Variants in MYLK observed in about 807,000 individuals in gnomAD.
The protein encoded by MYLK is myosin light chain kinase.
Under a neutral mutation model 203.4 loss-of-function variants are expected in MYLK, and 106 were observed. That is an observed-to-expected ratio of 0.52 (90% confidence interval 0.45 to 0.61). The LOEUF (loss-of-function observed/expected upper bound fraction) is 0.61. Ranked by LOEUF, MYLK falls within the 20% of genes least tolerant of loss-of-function variation. The pLI, the probability that MYLK is intolerant of heterozygous loss-of-function variation, is 0.00. For synonymous variants in MYLK, 867 were observed against 959.5 expected (o/e 0.90, Z 1.78); for missense variants, 2,072 against 2,442.3 (o/e 0.85, Z 3.20).
In MYLK at chr3:123,737,379, T is replaced by C. The variant is rs964781965; in HGVS notation, c.753A>G (p.Gln251=). The stretch of plus-strand genomic sequence containing the variant: ...CACTAGCCGTCCACTGGTCGATACC[T>C]TGGATGGAAAGTTCAGCTGACATCG... ...KASMSAELSI[Q]GLDSANRSFV... The change falls in exon 8 of 34, where the codon CAA becomes CAG. Residue 251 remains glutamine, a splice_region_variant and synonymous_variant. Transcript: ENST00000360304. The C allele has an allele frequency of 1.2e-6, 2 of 1,613,960 alleles. No homozygotes were observed. Among genetic ancestry groups the C allele is most frequent in the Admixed American group, 1.7e-5 (1 of 60,004 alleles).
rs1560145846 is a variant in MYLK at position 123,733,057 on chromosome 3, G to T, written c.1355C>A (p.Thr452Asn). Reference sequence around the variant, plus strand: ...GCTGCCTTCCTGTCTCCTCACGGGGGTGCCTTCCAGGAACCAGGCCACTTC... The same window carrying T: ...GCTGCCTTCCTGTCTCCTCACGGGGTTGCCTTCCAGGAACCAGGCCACTTC... ...KPEVAWFLEG[T>N]PVRRQEGSIE... is the part of the protein sequence containing the mutation. Residue 452 changes from threonine to asparagine, a missense_variant, in exon 11 of 34, where the codon ACC (threonine) becomes AAC (asparagine). By Grantham distance (65) the Thr-to-Asn change is moderately conservative. This residue lies in a region of MYLK where 683 missense variants were observed against 643.8 expected (regional missense o/e 1.06). Coordinates refer to ENST00000360304, the MANE Select transcript of MYLK (RefSeq NM_053025.4). 5 of 1,613,986 alleles carry T rather than the reference G, an allele frequency of 3.1e-6. No homozygotes were observed. The highest frequency in any genetic ancestry group is 4.2e-6 in the Non-Finnish European group (5 of 1,180,020).
intron 2 of MYLK, among the ~76,000 whole-genome samples, chr3:123,843,590 G>C (rs2066644850): frequency 6.6e-6 from 1 of 152,194 alleles, no homozygotes; most frequent in Non-Finnish European, 1.5e-5. Context: ...GAAAAAGAGA[G>C]ATGCCTCCAA....
intron 29 of MYLK, among the ~76,000 whole-genome samples, chr3:123,631,479 T>A (rs1420659054): frequency 1.3e-5 from 2 of 151,770 alleles, no homozygotes; most frequent in East Asian, 3.9e-4. Context: ...ATGTCCCTTC[T>A]CCCAAATGCT....
intron 3 of MYLK, among the ~76,000 whole-genome samples, chr3:123,798,563 A>G (rs1455858007): frequency 6.6e-6 from 1 of 152,176 alleles, no homozygotes; most frequent in Non-Finnish European, 1.5e-5. Context: ...AATCTCCTGA[A>G]GGCCCCAGAT....
intron 2 of MYLK, among the ~76,000 whole-genome samples, chr3:123,847,485 CTT>C (rs2030169152): frequency 1.3e-5 from 2 of 152,058 alleles, no homozygotes; most frequent in Admixed American, 6.6e-5. Flanking sequence ...TTTTTTATGA[CTT>C]TATTGAAAGC....
rs752958887 is a variant in MYLK at position 123,610,855 on chromosome 3, A to C, written c.*3250T>G. The C allele has an allele frequency of 1.3e-5, 2 of 152,254 alleles. No homozygotes were observed. Among genetic ancestry groups the C allele is most frequent in the Non-Finnish European group, 2.9e-5 (2 of 68,042 alleles). The allele number at this position is 152,254 out of a possible 1,614,324, so 9.4% of individuals were successfully genotyped here. A position where few individuals can be genotyped will look rare whatever the true frequency, so the allele number is the denominator to read the frequency against. On this transcript the variant is annotated 3_prime_UTR_variant, in exon 34 of 34. Coordinates refer to ENST00000360304, the MANE Select transcript of MYLK (RefSeq NM_053025.4). ...ATTTTAACAAAAATAAAAAATCTTT[A>C]CATAAATTTAGAGCTGACAACAGTC...
chr3:123,619,999 C>T (rs190547665), intron 32 of MYLK, among the ~76,000 whole-genome samples: 4 of 151,700 alleles, frequency 2.6e-5, no homozygotes, highest in East Asian at 3.9e-4. Flanking sequence ...ACTTTCCCTC[C>T]GAAAATGGTT....
chr3:123,819,233 A>G lies in MYLK; in HGVS notation c.-4+12315T>C, dbSNP rs117926247. Among the ~76,000 whole-genome samples, 94 of 152,332 alleles carry G rather than the reference A, an allele frequency of 6.2e-4. 2 individuals carry two copies. In the South Asian group the frequency reaches 0.011, roughly 18 times the overall value. ...ACTATCTTTTCAAGAAGATTTGCATAGCAAACAGCCTTCAAAGAGAGAGTT... is the reference window on the plus strand; with the variant it reads ...ACTATCTTTTCAAGAAGATTTGCATGGCAAACAGCCTTCAAAGAGAGAGTT... On this transcript the variant is annotated intron_variant, in intron 3 of 33. Coordinates refer to ENST00000360304, the MANE Select transcript of MYLK (RefSeq NM_053025.4).
At chr3:123,737,615 C>CCAA (rs2062723612) in intron 7 of MYLK, 72 bp from the exon 8 acceptor site, 6 of 1,589,788 alleles carry the variant, frequency 3.8e-6, no homozygotes, top group Non-Finnish European at 8.6e-7. Flanking sequence ...CTGCCTCCTG[C>CCAA]CAATCCTAGT....
intron 20 of MYLK, among the ~76,000 whole-genome samples, chr3:123,671,984 T>TAGGCCA (rs1324072330): frequency 3.6e-4 from 55 of 152,132 alleles, no homozygotes; most frequent in Non-Finnish European, 4.6e-4. Context: ...AGGCCATCTG[T>TAGGCCA]TCAGAGGAGC....
At chr3:123,716,757 T>G (rs146340482) in intron 13 of MYLK, among the ~76,000 whole-genome samples, 23 of 152,252 alleles carry the variant, frequency 1.5e-4, no homozygotes, top group Non-Finnish European at 2.6e-4. Flanking sequence ...TTGATCTGGG[T>G]CTCTATGTAA....
intron 29 of MYLK, among the ~76,000 whole-genome samples, chr3:123,632,711 G>C (rs2058486431): frequency 6.6e-6 from 1 of 152,112 alleles, no homozygotes; most frequent in Admixed American, 6.5e-5. Context: ...CAGTAATGCT[G>C]TTGCTGGGTG....
chr3:123,729,319 C>T (rs1476686743), intron 11 of MYLK, among the ~76,000 whole-genome samples: 2 of 152,208 alleles, frequency 1.3e-5, no homozygotes, highest in African/African-American at 4.8e-5. Flanking sequence ...GATCACTAAA[C>T]TAACTAAGCA....
Position 123,637,408 on chromosome 3 carries a change from G to A in MYLK, c.4961+663C>T, listed in dbSNP as rs547488859. 9.0e-4 allele frequency among the ~76,000 whole-genome samples: 137 copies of A among 152,302 alleles called. 1 individual carries two copies. The highest frequency in any genetic ancestry group is 2.2e-4 in the Non-Finnish European group (15 of 68,026). The stretch of plus-strand genomic sequence containing the variant: ...CCCTGCAATGTAAGGAGCCGCCTAG[G>A]TGAGTCAGGCATGCTAATGTTTGTG... On this transcript the variant is annotated intron_variant, in intron 29 of 33. Coordinates refer to ENST00000360304, the MANE Select transcript of MYLK (RefSeq NM_053025.4).
chr3:123,642,189 A>G lies in MYLK; in HGVS notation c.4620-1685T>C, dbSNP rs1000855559. On this transcript the variant is annotated intron_variant, in intron 27 of 33. Coordinates refer to ENST00000360304, the MANE Select transcript of MYLK (RefSeq NM_053025.4). The surrounding 1 kb of genome is among the most constrained non-coding windows in gnomAD (Gnocchi z 4.2). Reference sequence around the variant, plus strand: ...TACAGAGAGTCCTCACGAAGAGGAAAGGAGCTGAGTTTGAATCCTGCTTCT... The same window carrying G: ...TACAGAGAGTCCTCACGAAGAGGAAGGGAGCTGAGTTTGAATCCTGCTTCT... Among the ~76,000 whole-genome samples the G allele has an allele frequency of 6.6e-6, 1 of 152,154 alleles. No individual in the cohort carries two copies. Among genetic ancestry groups the G allele is most frequent in the African/African-American group, 2.4e-5 (1 of 41,438 alleles).
chr3:123,737,356 C>T (rs760079429), intron 8 of MYLK, 22 bp downstream of exon 8: 25 of 1,614,106 alleles, frequency 1.5e-5, no homozygotes, highest in Non-Finnish European at 2.1e-5. Flanking sequence ...TCGTTCTGCA[C>T]TAGCCGTCCA....
chr3:123,757,833 T>TTGCC (rs1446997078), intron 4 of MYLK, among the ~76,000 whole-genome samples: 2 of 152,218 alleles, frequency 1.3e-5, no homozygotes, highest in Non-Finnish European at 2.9e-5. Context: ...TTCATGATTG[T>TTGCC]TGCCTGCCTG....
intron 4 of MYLK, among the ~76,000 whole-genome samples, chr3:123,769,427 T>A (rs2063804874): frequency 6.6e-6 from 1 of 152,234 alleles, no homozygotes; most frequent in African/African-American, 2.4e-5. Flanking sequence ...ACTGCAAGAC[T>A]GTGACTTACT....
intron 24 of MYLK, among the ~76,000 whole-genome samples, chr3:123,653,137 G>C (rs1378391158): frequency 6.6e-6 from 1 of 152,044 alleles, no homozygotes; most frequent in Non-Finnish European, 1.5e-5. Flanking sequence ...GGGCTTCATG[G>C]AGTGTGGGTT....
Sources: allele counts gnomAD v4.1 joint callset (sites outside exome capture counted in the v4.1 genomes callset), GRCh38; gene constraint gnomAD v4.1.1; regional missense constraint gnomAD v4.1.1; non-coding constraint Gnocchi (gnomAD v3.1); transcripts MANE v1.5; gene names NCBI Gene and HGNC (gene_info 2026-07-23, HGNC 2026-07-21).